Variants in EVA1C observed in about 807,000 individuals in gnomAD.
EVA1C encodes protein eva-1 homolog C.
Under a neutral mutation model 45.4 loss-of-function variants are expected in EVA1C, and 25 were observed. That is an observed-to-expected ratio of 0.55 (90% confidence interval 0.40 to 0.77). EVA1C has a LOEUF of 0.77. EVA1C is among the 30% of genes least tolerant of loss of function. The probability of loss-of-function intolerance (pLI) is 0.00; values close to 1 mark genes in which losing one functional copy is unlikely to be tolerated. For synonymous variants in EVA1C, 190 were observed against 221.2 expected, an observed-to-expected ratio of 0.86 and a Z score of 1.25; for missense variants, 479 against 554.8, an observed-to-expected ratio of 0.86 and a Z score of 1.37.
chr21:32,480,615 C>A (rs1448744042), intron 4 of EVA1C, among the ~76,000 whole-genome samples: 1 of 152,188 alleles, frequency 6.6e-6, no homozygotes, highest in Non-Finnish European at 1.5e-5. Flanking sequence ...CTGCAGTGAA[C>A]CGTGTCTGCG....
intron 4 of EVA1C, among the ~76,000 whole-genome samples, chr21:32,490,583 T>C (rs1220346017): frequency 6.6e-6 from 1 of 152,192 alleles, no homozygotes; most frequent in African/African-American, 2.4e-5. Flanking sequence ...CCTATGTATA[T>C]ACCACATTTT....
At chr21:32,479,870 T>G in intron 4 of EVA1C, among the ~76,000 whole-genome samples, 1 of 151,990 alleles carries the variant, frequency 6.6e-6, no homozygotes, top group Non-Finnish European at 1.5e-5. Flanking sequence ...CTTCTTCTGT[T>G]AGCCTTAAGG....
intron 1 of EVA1C, among the ~76,000 whole-genome samples, 166 bp downstream of exon 1, chr21:32,413,179 G>A (rs760321924): frequency 3.9e-5 from 6 of 152,248 alleles, no homozygotes; most frequent in African/African-American, 1.4e-4. Flanking sequence ...ATGGCTGCGA[G>A]TGAAGTGGCG....
At chr21:32,503,394 A>C (rs1427205649) in intron 6 of EVA1C, among the ~76,000 whole-genome samples, 2 of 152,100 alleles carry the variant, frequency 1.3e-5, no homozygotes, top group Non-Finnish European at 2.9e-5. Flanking sequence ...AAAAATACAA[A>C]AATTTGCTGG....
chr21:32,513,843 T>G (rs919701613), intron 7 of EVA1C, among the ~76,000 whole-genome samples: 2 of 152,108 alleles, frequency 1.3e-5, no homozygotes, highest in Non-Finnish European at 2.9e-5. Context: ...ACCCAGCATA[T>G]TTTTGTATTT....
Position 32,438,486 on chromosome 21 carries a change from C to CAAAA in EVA1C, c.161-14807_161-14804dup, listed in dbSNP as rs35688820. On this transcript the variant is annotated intron_variant, in intron 1 of 7. Transcript: ENST00000300255. ...TGGGTGACAGAGTGAGACTCTGTCT[C>CAAAA]AAAAAAAAAAAAAAAAAAAAAACCA... Among the ~76,000 whole-genome samples the CAAAA allele has an allele frequency of 2.9e-3, 164 of 57,220 alleles. 6 individuals are homozygous for CAAAA. The highest frequency in any genetic ancestry group is 0.011 in the African/African-American group (153 of 13,976). 37.5% of individuals were successfully genotyped at this position (57,220 alleles called of 152,430 possible). A position where few individuals can be genotyped will look rare whatever the true frequency, so the allele number is the denominator to read the frequency against.
Position 32,515,140 on chromosome 21 carries a change from A to T in EVA1C, c.1276A>T (p.Asn426Tyr), listed in dbSNP as rs769308972. ...REQIIQEIWM[N>Y]SGLDTSLPRN... ...GCAAATCATTCAGGAAATATGGATG[A>T]ACAGTGGTTTGGACACCTCGCTCCC... Residue 426 changes from asparagine to tyrosine, a missense_variant, in exon 8 of 8, where the codon AAC (asparagine) becomes TAC (tyrosine). Asn to Tyr is a moderately radical substitution (Grantham distance 143). This residue lies in a region of EVA1C where 366 missense variants were observed against 426.1 expected (regional missense o/e 0.86). Transcript: ENST00000300255. The T allele has an allele frequency of 6.2e-7, 1 of 1,612,970 alleles. No individual in the cohort carries two copies. The highest frequency in any genetic ancestry group is 8.5e-7 in the Non-Finnish European group (1 of 1,179,192).
In EVA1C at chr21:32,508,360, G is replaced by C. The variant is rs374951383; in HGVS notation, c.949+4345G>C. 1.2e-4 allele frequency among the ~76,000 whole-genome samples: 18 copies of C among 152,326 alleles called. No homozygotes were observed. The East Asian group carries it at 2.9e-3, about 25-fold the overall frequency. On this transcript the variant is annotated intron_variant, in intron 7 of 7. Coordinates refer to ENST00000300255, the MANE Select transcript of EVA1C (RefSeq NM_058187.5). ...TGCTGTGGGCTTCTGGGGCGCAGGG[G>C]TAAGGAAGCTGGGCAGAAGGGACAG...
intron 4 of EVA1C, among the ~76,000 whole-genome samples, chr21:32,478,634 C>T (rs1280749335): frequency 6.6e-6 from 1 of 152,246 alleles, no homozygotes; most frequent in African/African-American, 2.4e-5. Flanking sequence ...GAAAGGAAGA[C>T]ATGAAAGTGA....
chr21:32,412,058 C>A (rs1172969116), upstream of EVA1C: 2 of 152,270 alleles, frequency 1.3e-5, no homozygotes, highest in African/African-American at 4.8e-5. Flanking sequence ...CCAAAGGAAG[C>A]CGAGCTGGAG....
chr21:32,459,790 G>A (rs1324620604), intron 3 of EVA1C, among the ~76,000 whole-genome samples: 4 of 142,852 alleles, frequency 2.8e-5, no homozygotes, highest in South Asian at 2.4e-4. Flanking sequence ...GCGGTGAGCC[G>A]AGATCGCGCC....
Position 32,453,406 on chromosome 21 carries a change from C to T in EVA1C, c.255C>T (p.Val85=). 1 of 1,611,494 alleles carries T rather than the reference C, an allele frequency of 6.2e-7. No individual in the cohort carries two copies. Among genetic ancestry groups the T allele is most frequent in the Non-Finnish European group, 8.5e-7 (1 of 1,179,446 alleles). The change falls in exon 2 of 8, where the codon GTC becomes GTT. Residue 85 remains valine (V), a synonymous_variant. Coordinates refer to ENST00000300255, the MANE Select transcript of EVA1C (RefSeq NM_058187.5). ...LQCPRHSTIS[V]QSAFYGQDYQ... ...GCCCTCGGCATTCTACGATAAGTGT[C>T]CAATCGGCATTTTATGGGCAAGATT...
At chr21:32,514,591 T>C (rs2038075282) in intron 7 of EVA1C, among the ~76,000 whole-genome samples, 1 of 152,210 alleles carries the variant, frequency 6.6e-6, no homozygotes, top group South Asian at 2.1e-4. Context: ...CTGTGTGTTT[T>C]TCTCCTACAC....
intron 6 of EVA1C, among the ~76,000 whole-genome samples, chr21:32,501,884 G>A (rs978004683): frequency 6.6e-6 from 1 of 151,984 alleles, no homozygotes; most frequent in African/African-American, 2.4e-5. Context: ...GAGGGCCTCT[G>A]TACCTCTGTA....
At chr21:32,472,062 G>T (rs8133461) in intron 4 of EVA1C, among the ~76,000 whole-genome samples, 3,688 of 152,294 alleles carry the variant, frequency 0.024, 129 homozygotes, top group African/African-American at 0.081. Flanking sequence ...AGTTGGCCAA[G>T]CAGGTAAATC....
intron 1 of EVA1C, among the ~76,000 whole-genome samples, chr21:32,449,974 T>G (rs1387571233): frequency 6.6e-6 from 1 of 152,194 alleles, no homozygotes; most frequent in Non-Finnish European, 1.5e-5. Flanking sequence ...CAGGTTGTAC[T>G]GCTGACGTGT....
intron 3 of EVA1C, among the ~76,000 whole-genome samples, chr21:32,459,245 T>C (rs2035907126): frequency 6.6e-6 from 1 of 152,094 alleles, no homozygotes; most frequent in Non-Finnish European, 1.5e-5. Flanking sequence ...CACACTCACA[T>C]GTACAGACAA....
intron 3 of EVA1C, among the ~76,000 whole-genome samples, chr21:32,461,471 T>G (rs952317876): frequency 2.0e-5 from 3 of 152,232 alleles, no homozygotes; most frequent in Non-Finnish European, 2.9e-5. Context: ...CCTTCCTGCC[T>G]CTTTTTCTGC....
In EVA1C at chr21:32,452,263, C is replaced by G. The variant is rs2035608503; in HGVS notation, c.161-1049C>G. On this transcript the variant is annotated intron_variant, in intron 1 of 7. Transcript: ENST00000300255. The surrounding 1 kb of genome is among the most constrained non-coding windows in gnomAD (Gnocchi z 4.0). ...AGTGCTTCCTGAAGGGGAAAGAGCC[C>G]TCCAAACCATTCAGTGGGCCATCCC... 6.6e-6 allele frequency: 1 copy of G among 152,214 alleles called. No individual in the cohort carries two copies. The highest frequency in any genetic ancestry group is 1.5e-5 in the Non-Finnish European group (1 of 68,088). The allele number at this position is 152,214 out of a possible 1,614,324, so 9.4% of individuals were successfully genotyped here. A position where few individuals can be genotyped will look rare whatever the true frequency, so the allele number is the denominator to read the frequency against.
Sources: gnomAD v4.1 joint callset for allele counts (sites outside exome capture counted in the v4.1 genomes callset) on GRCh38, gnomAD v4.1.1 for gene constraint, gnomAD v4.1.1 regional missense constraint, Gnocchi (gnomAD v3.1) non-coding constraint, MANE v1.5 for transcripts, NCBI Gene and HGNC (gene_info 2026-07-23, HGNC 2026-07-21) for gene names.